The following PIGG variants were observed in gnomAD, a reference collection of about 807,000 sequenced individuals.
PIGG encodes GPI ethanolamine phosphate transferase 2, catalytic subunit.
Under a neutral mutation model 83.2 loss-of-function variants are expected in PIGG, and 70 were observed. The ratio of observed to expected loss-of-function variants is 0.84; its 90% CI spans 0.69 to 1.03. PIGG has a LOEUF of 1.03. Among genes scored for constraint, PIGG ranks in the 50% least tolerant of loss-of-function variants. PIGG has a pLI of 0.00. For synonymous variants in PIGG, 532 were observed against 519.5 expected (o/e 1.02, Z -0.33); for missense variants, 1,257 against 1,233.6 (o/e 1.02, Z -0.28).
intron 2 of PIGG, chr4:501,107 A>G (rs757427237): frequency 4.4e-6 from 2 of 456,276 alleles, no homozygotes; most frequent in African/African-American, 2.0e-5. Flanking sequence ...TCAGGTGTCC[A>G]GCCTACTGAC....
intron 10 of PIGG, 57 bp downstream of exon 10, chr4:527,287 C>A: frequency 6.7e-7 from 1 of 1,497,232 alleles, no homozygotes; most frequent in East Asian, 2.3e-5. Context: ...GAAGAACTGG[C>A]GGACACGGGG....
Position 521,947 on chromosome 4 carries a change from T to C in PIGG, c.1614+6T>C. On this transcript the variant is annotated splice_donor_region_variant and intron_variant, in intron 8 of 12. Transcript: ENST00000453061. ...GTGGAAACACCCCAAGGAAGGTACGTACGGCTGGTTCCTGGGAGTGTGACG... is the reference window on the plus strand; with the variant it reads ...GTGGAAACACCCCAAGGAAGGTACGCACGGCTGGTTCCTGGGAGTGTGACG... 1.2e-6 allele frequency: 2 copies of C among 1,613,978 alleles called. No homozygotes were observed. Among genetic ancestry groups the C allele is most frequent in the Non-Finnish European group, 1.7e-6 (2 of 1,179,848 alleles).
intron 9 of PIGG, 136 bp downstream of exon 9, chr4:524,049 A>C (rs182410497): frequency 1.6e-6 from 1 of 607,826 alleles, no homozygotes; most frequent in East Asian, 2.8e-5. Context: ...AGAATTGGGA[A>C]AATACACTAA....
At chr4:507,970 G>C (rs1012360159) in intron 4 of PIGG, among the ~76,000 whole-genome samples, 8 of 151,952 alleles carry the variant, frequency 5.3e-5, no homozygotes, top group Admixed American at 3.3e-4. Context: ...GTCACTCTCT[G>C]TTCTGTGTCA....
At chr4:516,725 G>A (rs888198893) in intron 6 of PIGG, among the ~76,000 whole-genome samples, 3 of 151,842 alleles carry the variant, frequency 2.0e-5, no homozygotes, top group Admixed American at 6.6e-5. Flanking sequence ...GCATGGTGGC[G>A]GGCACCTGTA....
intron 5 of PIGG, among the ~76,000 whole-genome samples, chr4:512,134 C>G (rs1553883804): frequency 2.0e-5 from 3 of 150,980 alleles, no homozygotes; most frequent in Non-Finnish European, 4.4e-5. Flanking sequence ...ATTGATCTAT[C>G]TTTAAATTGC....
intron 11 of PIGG, 87 bp from the exon 12 acceptor site, chr4:533,731 C>A: frequency 1.5e-6 from 2 of 1,295,030 alleles, no homozygotes; most frequent in South Asian, 1.3e-5. Context: ...CTACACAGTT[C>A]ACGCTAACAT....
At position 499,460 on chromosome 4, in the gene PIGG, C is replaced by G. The variant is rs185654029; in HGVS notation, c.125C>G (p.Ala42Gly). ...TCCTCTGCCAGAGCGGAACACGGAGCGGAGCCCCCAGCGCCCGAACCCTCG... is the reference window on the plus strand; with the variant it reads ...TCCTCTGCCAGAGCGGAACACGGAGGGGAGCCCCCAGCGCCCGAACCCTCG... The part of the protein sequence containing the change: ...VRSSARAEHG[A>G]EPPAPEPSAG... Residue 42 changes from alanine (A) to glycine (G), a missense_variant, in exon 1 of 13, where the codon GCG becomes GGG. Ala to Gly is a moderately conservative substitution (Grantham distance 60). Coordinates refer to ENST00000453061, the MANE Select transcript of PIGG (RefSeq NM_001127178.3). 6.2e-7 allele frequency: 1 copy of G among 1,602,182 alleles called. No homozygotes were observed. Among genetic ancestry groups the G allele is most frequent in the African/African-American group, 1.3e-5 (1 of 74,964 alleles).
chr4:505,642 AAAAAAAAT>A, intron 2 of PIGG, 68 bp from the exon 3 acceptor site: 1 of 1,110,190 alleles, frequency 9.0e-7, no homozygotes, highest in East Asian at 2.4e-5. Flanking sequence ...CAAAAAAAAA[AAAAAAAAT>A]CTTCAGTGCC....
At chr4:517,370 A>G (rs931193659) in intron 6 of PIGG, among the ~76,000 whole-genome samples, 4 of 152,104 alleles carry the variant, frequency 2.6e-5, no homozygotes, top group African/African-American at 9.7e-5. Flanking sequence ...GTGCTGCGAT[A>G]TTGGGTACGA....
Position 499,263 on chromosome 4 carries a change from A to G in PIGG, c.-73A>G. On this transcript the variant is annotated 5_prime_UTR_variant, in exon 1 of 13. Transcript: ENST00000453061. ...TTATTGCTTAGAGGCGGCTACCTGG[A>G]GCCGGAAGCGCGGCTGCAGCAGGGC... The G allele has an allele frequency of 6.5e-7, 1 of 1,530,912 alleles. No homozygotes were observed. Among genetic ancestry groups the G allele is most frequent in the East Asian group, 2.4e-5 (1 of 42,508 alleles). The allele number at this position is 1,530,912 out of a possible 1,614,324, so 94.8% of individuals were successfully genotyped here. A position where few individuals can be genotyped will look rare whatever the true frequency, so the allele number is the denominator to read the frequency against.
intron 10 of PIGG, 50 bp downstream of exon 10, chr4:527,280 G>T (rs760926514): frequency 6.6e-6 from 10 of 1,506,386 alleles, no homozygotes; most frequent in Admixed American, 2.3e-5. Context: ...ACTGTTTGAA[G>T]AACTGGCGGA....
intron 1 of PIGG, 38 bp from the exon 2 acceptor site, chr4:500,358 T>G (rs1553874876): frequency 4.8e-6 from 7 of 1,456,312 alleles, no homozygotes; most frequent in East Asian, 2.3e-5. Context: ...AAGGAAAGTT[T>G]AGAGTTCAAT....
chr4:503,845 T>C (rs949573472), intron 2 of PIGG, among the ~76,000 whole-genome samples: 2 of 145,606 alleles, frequency 1.4e-5, no homozygotes, highest in African/African-American at 5.1e-5. Context: ...TGTGATTTTA[T>C]ACACACACAC....
At chr4:534,462 G>A (rs570076458) in intron 12 of PIGG, among the ~76,000 whole-genome samples, 7 of 152,330 alleles carry the variant, frequency 4.6e-5, no homozygotes, top group Non-Finnish European at 8.8e-5. Flanking sequence ...CTTCTGAGTC[G>A]TCCTTGAGTA....
intron 11 of PIGG, chr4:532,449 T>C (rs1729292391): frequency 6.6e-6 from 1 of 152,284 alleles, no homozygotes; most frequent in Admixed American, 6.5e-5. Flanking sequence ...CTGTTTGCTC[T>C]CTCCTCAGTC....
At chr4:522,798 C>T (rs890860098) in intron 8 of PIGG, 2 of 153,540 alleles carry the variant, frequency 1.3e-5, no homozygotes, top group Non-Finnish European at 2.9e-5. Context: ...TAGCTGCACG[C>T]AGTATGTAGT....
At chr4:511,078 G>C (rs1298056825) in intron 5 of PIGG, among the ~76,000 whole-genome samples, 1 of 152,136 alleles carries the variant, frequency 6.6e-6, no homozygotes, top group Non-Finnish European at 1.5e-5. Context: ...TGGATCACCT[G>C]AGATCGGGAG....
chr4:505,656 G>A, intron 2 of PIGG, 62 bp from the exon 3 acceptor site: 1 of 1,103,468 alleles, frequency 9.1e-7, no homozygotes, highest in East Asian at 2.4e-5. Flanking sequence ...AAAATCTTCA[G>A]TGCCCTTTTC....
Sources: allele counts gnomAD v4.1 joint callset (sites outside exome capture counted in the v4.1 genomes callset), GRCh38; gene constraint gnomAD v4.1.1; transcripts MANE v1.5; gene names NCBI Gene and HGNC (gene_info 2026-07-23, HGNC 2026-07-21).